PRKCE: variants seen among roughly 807,000 people sequenced by gnomAD.
PRKCE encodes protein kinase C epsilon type.
Under a neutral mutation model 85.4 loss-of-function variants are expected in PRKCE, and 16 were observed. The ratio of observed to expected loss-of-function variants is 0.19; its 90% CI spans 0.13 to 0.28. The LOEUF is 0.28. Ranked by LOEUF, PRKCE falls within the 10% of genes least tolerant of loss-of-function variation. The probability of loss-of-function intolerance (pLI) is 1.00; values close to 1 mark genes in which losing one functional copy is unlikely to be tolerated. For synonymous variants in PRKCE, 388 were observed against 371.5 expected (o/e 1.04, Z -0.51); for missense variants, 573 against 975.2 (o/e 0.59, Z 5.49).
intron 3 of PRKCE, among the ~76,000 whole-genome samples, chr2:45,977,906 C>T (rs1309916653): frequency 6.6e-6 from 1 of 152,176 alleles, no homozygotes; most frequent in Admixed American, 6.5e-5. Flanking sequence ...ACCCTTGGAT[C>T]CAACTGGGGA....
intron 2 of PRKCE, among the ~76,000 whole-genome samples, chr2:45,970,258 A>G (rs1702020229): frequency 6.6e-6 from 1 of 152,224 alleles, no homozygotes; most frequent in South Asian, 2.1e-4. Context: ...TAGGTATTAA[A>G]TGGTATGTCA....
intron 11 of PRKCE, among the ~76,000 whole-genome samples, chr2:46,141,963 C>T (rs1231119813): frequency 6.6e-6 from 1 of 152,160 alleles, no homozygotes; most frequent in Non-Finnish European, 1.5e-5. Context: ...AACCATTATT[C>T]CCAGTCCTCC....
At chr2:45,872,156 A>G (rs1003713618) in intron 2 of PRKCE, among the ~76,000 whole-genome samples, 1 of 152,148 alleles carries the variant, frequency 6.6e-6, no homozygotes, top group South Asian at 2.1e-4. Flanking sequence ...AAAGGGTGAT[A>G]TGAACTGTAG....
chr2:45,700,898 C>T (rs574977189), intron 1 of PRKCE, among the ~76,000 whole-genome samples: 12 of 152,282 alleles, frequency 7.9e-5, no homozygotes, highest in African/African-American at 1.9e-4. Context: ...GCTGTGCTCC[C>T]GTAAACCAAG....
At chr2:46,150,813 G>T (rs532754007) in intron 12 of PRKCE, among the ~76,000 whole-genome samples, 1 of 152,208 alleles carries the variant, frequency 6.6e-6, no homozygotes, top group Non-Finnish European at 1.5e-5. Context: ...GTTCCCACTG[G>T]AAGACAGACT....
intron 2 of PRKCE, among the ~76,000 whole-genome samples, chr2:45,903,368 C>T (rs947492367): frequency 2.0e-5 from 3 of 152,184 alleles, no homozygotes; most frequent in Non-Finnish European, 2.9e-5. Context: ...ATCCCCTTTT[C>T]TTCACTTGAG....
intron 11 of PRKCE, among the ~76,000 whole-genome samples, chr2:46,123,457 T>C (rs965293575): frequency 1.4e-4 from 22 of 152,158 alleles, no homozygotes; most frequent in African/African-American, 4.1e-4. Flanking sequence ...TGAGATCACA[T>C]AGAACAAAAG....
At chr2:45,760,300 G>A (rs772338758) in intron 1 of PRKCE, among the ~76,000 whole-genome samples, 127 of 152,172 alleles carry the variant, frequency 8.3e-4, no homozygotes, top group African/African-American at 3.0e-3. Flanking sequence ...TGGCTAGTAT[G>A]GTTGCTCCAG....
chr2:45,945,610 G>C (rs957376015), intron 2 of PRKCE, among the ~76,000 whole-genome samples: 1 of 152,182 alleles, frequency 6.6e-6, no homozygotes, highest in Non-Finnish European at 1.5e-5. Flanking sequence ...TTGAGCACAT[G>C]CTATGTACCA....
At chr2:45,943,326 TAGCGTCTA>T (rs1191183785) in intron 2 of PRKCE, among the ~76,000 whole-genome samples, 1 of 152,236 alleles carries the variant, frequency 6.6e-6, no homozygotes, top group Non-Finnish European at 1.5e-5. Context: ...TTTAGAACCA[TAGCGTCTA>T]AGCCAGCACA....
chr2:46,122,360 A>C (rs997159049), intron 11 of PRKCE, among the ~76,000 whole-genome samples: 4 of 152,142 alleles, frequency 2.6e-5, no homozygotes, highest in Non-Finnish European at 4.4e-5. Flanking sequence ...CCTCCTGAGA[A>C]GCTGGGATTA....
At chr2:45,965,307 G>T (rs1478711994) in intron 2 of PRKCE, among the ~76,000 whole-genome samples, 1 of 152,280 alleles carries the variant, frequency 6.6e-6, no homozygotes, top group East Asian at 1.9e-4. Flanking sequence ...TATTTCACTT[G>T]CAAACATTAT....
intron 1 of PRKCE, among the ~76,000 whole-genome samples, chr2:45,826,567 G>T (rs964074010): frequency 2.0e-5 from 3 of 152,144 alleles, no homozygotes; most frequent in Non-Finnish European, 4.4e-5. Flanking sequence ...TCTATCTGCT[G>T]CCAACTACCA....
intron 10 of PRKCE, among the ~76,000 whole-genome samples, chr2:46,045,572 C>A (rs928081727): frequency 1.3e-5 from 2 of 152,224 alleles, no homozygotes; most frequent in African/African-American, 4.8e-5. Context: ...GGGATATCCA[C>A]TGTGCTATGG....
intron 2 of PRKCE, among the ~76,000 whole-genome samples, chr2:45,955,235 C>A (rs1240844239): frequency 6.6e-6 from 1 of 152,044 alleles, no homozygotes; most frequent in Non-Finnish European, 1.5e-5. Context: ...AATTAGATCT[C>A]AAAGGATAGG....
At chr2:45,797,155 A>G (rs560495904) in intron 1 of PRKCE, among the ~76,000 whole-genome samples, 1 of 152,298 alleles carries the variant, frequency 6.6e-6, no homozygotes, top group Non-Finnish European at 1.5e-5. Flanking sequence ...TGTAACAGGT[A>G]TAGTATCATT....
At position 46,184,482 on chromosome 2, in the gene PRKCE, C is replaced by G. The variant is rs1354587849; in HGVS notation, c.2068-253C>G. On this transcript the variant is annotated intron_variant, in intron 14 of 14. Transcript: ENST00000306156. This position sits in a 1 kb window ranked among gnomAD's most constrained non-coding sequence, Gnocchi z 5.0. ...ACACACGTCTGTGGGAATCCCACTTCCCTGCTTTTCCATCATACCCTCTCA... is the reference window on the plus strand; with the variant it reads ...ACACACGTCTGTGGGAATCCCACTTGCCTGCTTTTCCATCATACCCTCTCA... Among the ~76,000 whole-genome samples, 1 of 151,908 alleles carries G rather than the reference C, an allele frequency of 6.6e-6. No homozygotes were observed. The highest frequency in any genetic ancestry group is 1.5e-5 in the Non-Finnish European group (1 of 67,984).
chr2:45,849,629 C>T (rs532362267), intron 2 of PRKCE, among the ~76,000 whole-genome samples: 1 of 152,190 alleles, frequency 6.6e-6, no homozygotes, highest in African/African-American at 2.4e-5. Flanking sequence ...GTGCCTTACG[C>T]AATAAGATCC....
chr2:46,158,908 G>T (rs1244064745), intron 13 of PRKCE, among the ~76,000 whole-genome samples: 1 of 151,948 alleles, frequency 6.6e-6, no homozygotes, highest in Non-Finnish European at 1.5e-5. Flanking sequence ...GGTGTGTAGG[G>T]ATCGCCAGAC....
Sources: gnomAD v4.1 joint callset for allele counts (sites outside exome capture counted in the v4.1 genomes callset) on GRCh38, gnomAD v4.1.1 for gene constraint, Gnocchi (gnomAD v3.1) non-coding constraint, MANE v1.5 for transcripts, NCBI Gene and HGNC (gene_info 2026-07-23, HGNC 2026-07-21) for gene names.